Variants in ANK3 observed in about 807,000 individuals in gnomAD.
The protein encoded by ANK3 is ankyrin-3.
ANK3 carries 57 observed loss-of-function variants against 370.9 expected under a neutral mutation model. That is an observed-to-expected ratio of 0.15 (90% CI 0.12 to 0.19). The LOEUF (loss-of-function observed/expected upper bound fraction) is 0.19, where lower values mean the gene tolerates loss of function less well. ANK3 is among the 10% of genes least tolerant of loss of function. The pLI, the probability that ANK3 is intolerant of heterozygous loss-of-function variation, is 1.00. For missense variants in ANK3, 4,439 were observed against 5,302.1 expected (o/e 0.84, Z 5.06); for synonymous variants, 1,929 against 1,946.3 (o/e 0.99, Z 0.23).
intron 1 of ANK3, among the ~76,000 whole-genome samples, chr10:60,357,556 A>ACCTAGACCTGGC (rs11273202): frequency 6.6e-6 from 1 of 151,774 alleles, no homozygotes; most frequent in African/African-American, 2.4e-5. Flanking sequence ...ATCGAGTTGC[A>ACCTAGACCTGGC]CAGTTGAATA....
intron 17 of ANK3, among the ~76,000 whole-genome samples, chr10:60,183,412 C>T (rs2096249932): frequency 6.6e-6 from 1 of 152,018 alleles, no homozygotes; most frequent in African/African-American, 2.4e-5. Context: ...TTAGGTAGAA[C>T]AGTATAAATT....
intron 25 of ANK3, among the ~76,000 whole-genome samples, chr10:60,128,216 T>C (rs1213289997): frequency 1.3e-5 from 2 of 152,080 alleles, no homozygotes; most frequent in African/African-American, 2.4e-5. Flanking sequence ...ATAAATTACG[T>C]GGACTCCTCA....
chr10:60,488,780 T>C lies in ANK3; in HGVS notation c.96+126406A>G, dbSNP rs60291746. The stretch of plus-strand genomic sequence containing the variant: ...ATTCCTTTCTTTGCCAAAAAATGCA[T>C]TTTTCAATCAAATGTTTAGAAAAGA... On this transcript the variant is annotated intron_variant, in intron 2 of 43. Coordinates refer to the ANK3 transcript ENST00000373827. Among the ~76,000 whole-genome samples the C allele has an allele frequency of 2.7e-3, 406 of 152,358 alleles. 4 individuals carry two copies. Among genetic ancestry groups the C allele is most frequent in the African/African-American group, 9.5e-3 (396 of 41,588 alleles).
chr10:60,630,792 T>C (rs746645716), intron 1 of ANK3, among the ~76,000 whole-genome samples: 6 of 152,168 alleles, frequency 3.9e-5, no homozygotes, highest in Non-Finnish European at 8.8e-5. Flanking sequence ...TAATGTGGTA[T>C]GAAAACCTAG....
At position 60,166,805 on chromosome 10, in the gene ANK3, T is replaced by C. The variant is rs2095636672; in HGVS notation, c.2551+19A>G. The stretch of plus-strand genomic sequence containing the variant: ...ACAGTCACTTATAATTATTGTGAAC[T>C]CAAAGAACATTTTCATACCTTCATC... On this transcript the variant is annotated intron_variant, in intron 22 of 43. Transcript: ENST00000280772. 1 of 1,611,486 alleles carries C rather than the reference T, an allele frequency of 6.2e-7. No homozygotes were observed. Among genetic ancestry groups the C allele is most frequent in the East Asian group, 2.2e-5 (1 of 44,814 alleles).
chr10:60,415,915 T>TTCC (rs2063652402), intron 2 of ANK3, among the ~76,000 whole-genome samples: 1 of 94,730 alleles, frequency 1.1e-5, no homozygotes, highest in African/African-American at 4.0e-5. Flanking sequence ...TCTGAATTTG[T>TTCC]GCCCCCCACC....
At chr10:60,581,516 C>T (rs1056590620) in intron 2 of ANK3, among the ~76,000 whole-genome samples, 3 of 150,714 alleles carry the variant, frequency 2.0e-5, no homozygotes, top group Non-Finnish European at 4.4e-5. Flanking sequence ...GCTTTGCCAC[C>T]CGGGTTCAAG....
intron 2 of ANK3, among the ~76,000 whole-genome samples, chr10:60,528,235 C>G (rs572916194): frequency 2.0e-4 from 29 of 145,132 alleles, no homozygotes; most frequent in African/African-American, 7.4e-4. Context: ...CTCCTGGGTT[C>G]AAGCGATTCT....
chr10:60,484,265 G>A (rs1451993233), intron 2 of ANK3, among the ~76,000 whole-genome samples: 1 of 152,142 alleles, frequency 6.6e-6, no homozygotes, highest in Non-Finnish European at 1.5e-5. Context: ...TGTGTCAACT[G>A]GGCTTATAAT....
chr10:60,142,069 G>A (rs955146435), intron 23 of ANK3, among the ~76,000 whole-genome samples: 1 of 152,148 alleles, frequency 6.6e-6, no homozygotes, highest in Non-Finnish European at 1.5e-5. Flanking sequence ...TGAGCAAAGC[G>A]TTATTCAAAT....
At chr10:60,081,171 T>A (rs1004774621) in intron 35 of ANK3, among the ~76,000 whole-genome samples, 1 of 152,168 alleles carries the variant, frequency 6.6e-6, no homozygotes, top group African/African-American at 2.4e-5. Flanking sequence ...CACTGCAACC[T>A]CTGCCTCCTG....
rs373873597 is a variant in ANK3 at position 60,178,848 on chromosome 10, A to T, written c.2184+2481T>A. Among the ~76,000 whole-genome samples the T allele has an allele frequency of 9.2e-5, 14 of 152,186 alleles. No individual in the cohort carries two copies. In the East Asian group the frequency reaches 2.5e-3, roughly 27 times the overall value. ...AAAAGCAGTGGCTTCATCTCTATCA[A>T]ACAACACTGATTATTATACCCTGTG... On this transcript the variant is annotated intron_variant, in intron 18 of 43. Coordinates refer to ENST00000280772, the MANE Select transcript of ANK3 (RefSeq NM_020987.5).
intron 33 of ANK3, 73 bp downstream of exon 33, chr10:60,083,419 A>C: frequency 6.8e-7 from 1 of 1,481,190 alleles, no homozygotes; most frequent in South Asian, 1.2e-5. Context: ...TAAATCATTA[A>C]AACCTTTTAT....
intron 4 of ANK3, among the ~76,000 whole-genome samples, chr10:60,271,664 T>C (rs1359660142): frequency 6.6e-6 from 1 of 152,122 alleles, no homozygotes; most frequent in Non-Finnish European, 1.5e-5. Context: ...TTCAAAAAGT[T>C]TAGGTTCATT....
intron 1 of ANK3, among the ~76,000 whole-genome samples, chr10:60,306,412 T>G (rs61847719): frequency 0.096 from 14,044 of 146,020 alleles, 977 homozygotes; most frequent in Admixed American, 0.22. Flanking sequence ...CTGAGTAGTA[T>G]TCCACGGTGT....
rs2131965089 is a variant in ANK3 at position 60,069,395 on chromosome 10, C to T, written c.11486G>A (p.Gly3829Glu). The T allele has an allele frequency of 1.2e-6, 2 of 1,613,272 alleles. No individual in the cohort carries two copies. Among genetic ancestry groups the T allele is most frequent in the Non-Finnish European group, 8.5e-7 (1 of 1,179,834 alleles). Residue 3829 changes from glycine to glutamate, a missense_variant, in exon 37 of 44, where the codon GGA (glycine) becomes GAA (glutamate). By Grantham distance (98) the Gly-to-Glu change is moderately conservative. Around this residue, in one of 13 missense-constraint regions of ANK3, gnomAD observed 496 missense variants for 529.3 expected, o/e 0.94. Transcript: ENST00000280772. ...TCCTTGTAGTACCCCTGTCTTTTTT[C>T]CTGATGAGACTTTCACTGGGTTATC... ...EKDNPVKVSS[G>E]KKTGVLQGHC... is the part of the protein sequence containing the mutation.
intron 2 of ANK3, among the ~76,000 whole-genome samples, chr10:60,531,801 C>G (rs1452962568): frequency 6.6e-6 from 1 of 152,070 alleles, no homozygotes; most frequent in Non-Finnish European, 1.5e-5. Flanking sequence ...GTCCAAGAAC[C>G]AGTATCACCT....
chr10:60,205,089 A>G (rs2096741123), intron 11 of ANK3, among the ~76,000 whole-genome samples: 1 of 152,132 alleles, frequency 6.6e-6, no homozygotes, highest in Admixed American at 6.5e-5. Flanking sequence ...CAAGTCTGAA[A>G]GGGTAGGTGT....
chr10:60,200,770 A>G (rs964554239), intron 12 of ANK3, among the ~76,000 whole-genome samples: 24 of 152,294 alleles, frequency 1.6e-4, no homozygotes, highest in African/African-American at 5.8e-4. Flanking sequence ...AAAACAAAAC[A>G]CTACATGGGC....
Sources: allele counts gnomAD v4.1 joint callset (sites outside exome capture counted in the v4.1 genomes callset), GRCh38; gene constraint gnomAD v4.1.1; regional missense constraint gnomAD v4.1.1; transcripts MANE v1.5; gene names NCBI Gene and HGNC (gene_info 2026-07-23, HGNC 2026-07-21).